LARP1B: variants seen among roughly 807,000 people sequenced by gnomAD.
LARP1B encodes La ribonucleoprotein 1B, also known as la-related protein 1B.
LARP1B carries 76 observed loss-of-function variants against 114.2 expected under a neutral mutation model. That is an observed-to-expected ratio of 0.67 (90% CI 0.55 to 0.81). The LOEUF is 0.81. Ranked by LOEUF, LARP1B falls within the 30% of genes least tolerant of loss-of-function variation. LARP1B has a pLI of 0.00. For synonymous variants in LARP1B, 345 were observed against 348.0 expected, an observed-to-expected ratio of 0.99 and a Z score of 0.10; for missense variants, 1,014 against 1,075.8, an observed-to-expected ratio of 0.94 and a Z score of 0.80.
chr4:128,174,438 A>G (rs1745070737), intron 12 of LARP1B, among the ~76,000 whole-genome samples: 1 of 152,046 alleles, frequency 6.6e-6, no homozygotes, highest in Non-Finnish European at 1.5e-5. Context: ...AAATTGGTAT[A>G]TGATAGTCTA....
At chr4:128,125,557 C>T (rs576449119) in intron 11 of LARP1B, among the ~76,000 whole-genome samples, 2 of 152,246 alleles carry the variant, frequency 1.3e-5, no homozygotes, top group South Asian at 2.1e-4. Context: ...ACCATCTGGC[C>T]AACATGATGA....
chr4:128,099,572 G>A (rs1487837963), intron 8 of LARP1B, among the ~76,000 whole-genome samples: 5 of 152,044 alleles, frequency 3.3e-5, no homozygotes, highest in Admixed American at 3.3e-4. Context: ...TGTAGCAGTA[G>A]TTTGTTCTTT....
chr4:128,061,843 G>A, intron 1 of LARP1B: 1 of 984,918 alleles, frequency 1.0e-6, no homozygotes, highest in Non-Finnish European at 1.2e-6. Flanking sequence ...CGGCGAGGGA[G>A]GAGAGGGCCG....
intron 8 of LARP1B, among the ~76,000 whole-genome samples, chr4:128,099,327 G>A (rs537311175): frequency 8.1e-6 from 1 of 123,632 alleles, no homozygotes; most frequent in Non-Finnish European, 1.6e-5. Flanking sequence ...TCATTCTGTT[G>A]CCCAGTATGG....
At chr4:128,203,670 G>A (rs924293135) in intron 17 of LARP1B, among the ~76,000 whole-genome samples, 3 of 152,040 alleles carry the variant, frequency 2.0e-5, no homozygotes, top group Non-Finnish European at 4.4e-5. Flanking sequence ...CACTGTGGCC[G>A]GCCAGATGAT....
intron 8 of LARP1B, 53 bp from the exon 9 acceptor site, chr4:128,107,086 A>C: frequency 1.4e-6 from 2 of 1,468,920 alleles, no homozygotes; most frequent in Non-Finnish European, 1.9e-6. Flanking sequence ...TTAGAAGTAT[A>C]GCACAGACAG....
At chr4:128,128,829 A>G (rs1361381271) in intron 11 of LARP1B, among the ~76,000 whole-genome samples, 5 of 152,144 alleles carry the variant, frequency 3.3e-5, no homozygotes, top group South Asian at 2.1e-4. Context: ...ATCTGACAAA[A>G]TATGTACAGG....
intron 10 of LARP1B, 32 bp downstream of exon 10, chr4:128,114,774 A>G (rs1304674699): frequency 1.9e-6 from 3 of 1,602,280 alleles, no homozygotes; most frequent in African/African-American, 1.3e-5. Flanking sequence ...GAAGTGTGAC[A>G]TACCCTGGGT....
At chr4:128,159,909 A>G (rs989786580) in intron 11 of LARP1B, among the ~76,000 whole-genome samples, 1 of 152,232 alleles carries the variant, frequency 6.6e-6, no homozygotes, top group African/African-American at 2.4e-5. Flanking sequence ...AGTTTTTGTA[A>G]AAACGTATTT....
chr4:128,188,550 G>A (rs1751130263), intron 15 of LARP1B, among the ~76,000 whole-genome samples: 1 of 151,916 alleles, frequency 6.6e-6, no homozygotes, highest in South Asian at 2.1e-4. Context: ...TACTAATTTT[G>A]GGTTTGATTT....
At chr4:128,174,723 C>T (rs767046458) in intron 12 of LARP1B, among the ~76,000 whole-genome samples, 4 of 151,960 alleles carry the variant, frequency 2.6e-5, no homozygotes, top group Admixed American at 6.6e-5. Flanking sequence ...CCTTGCCTCC[C>T]GATCTATTCC....
intron 1 of LARP1B, chr4:128,069,565 G>C (rs897062028): frequency 1.4e-6 from 1 of 737,906 alleles, no homozygotes; most frequent in African/African-American, 1.7e-5. Flanking sequence ...ACTCTCAGAA[G>C]AAAGTGCATT....
chr4:128,106,966 C>A (rs116722982), intron 8 of LARP1B, among the ~76,000 whole-genome samples, 173 bp from the exon 9 acceptor site: 4,050 of 152,224 alleles, frequency 0.027, 164 homozygotes, highest in African/African-American at 0.093. Context: ...TGTTACCTTA[C>A]AGGTGCAAAT....
chr4:128,158,036 C>T (rs762169767), intron 11 of LARP1B, among the ~76,000 whole-genome samples: 8 of 152,000 alleles, frequency 5.3e-5, no homozygotes, highest in Non-Finnish European at 8.8e-5. Context: ...CTCTATCAGG[C>T]AAAGTAGGTT....
intron 8 of LARP1B, among the ~76,000 whole-genome samples, chr4:128,098,769 T>TATATATATATATATA (rs1561201033): frequency 1.4e-4 from 2 of 14,432 alleles, no homozygotes; most frequent in African/African-American, 2.7e-4. Context: ...ATATATATAT[T>TATATATATATATATA]TTTTTTTTTT....
chr4:128,198,835 A>T (rs987409874), intron 15 of LARP1B, among the ~76,000 whole-genome samples: 3 of 152,234 alleles, frequency 2.0e-5, no homozygotes, highest in Non-Finnish European at 4.4e-5. Flanking sequence ...GGTTAATTCA[A>T]GTGAAAGAAG....
intron 11 of LARP1B, chr4:128,155,979 C>T: frequency 6.5e-7 from 1 of 1,542,556 alleles, no homozygotes; most frequent in Middle Eastern, 2.2e-4. Context: ...CCCCCTGCCG[C>T]CCTGTACCTT....
chr4:128,152,436 T>TC (rs1368057656), intron 11 of LARP1B, among the ~76,000 whole-genome samples: 8 of 151,996 alleles, frequency 5.3e-5, no homozygotes, highest in African/African-American at 1.9e-4. Flanking sequence ...ACTCCTGACC[T>TC]CGTGATCCAC....
At position 128,210,265 on chromosome 4, in the gene LARP1B, C is replaced by T. The variant is rs1758742171; in HGVS notation, c.*212C>T. The T allele has an allele frequency of 1.4e-6, 2 of 1,380,410 alleles. No individual in the cohort carries two copies. The highest frequency in any genetic ancestry group is 1.9e-6 in the Non-Finnish European group (2 of 1,069,682). 85.5% of individuals were successfully genotyped at this position (1,380,410 alleles called of 1,614,324 possible). ...AAGATAAATTCTAAAAATGTTTTCCCTGATTTCACAAACAAGGATAGTCTT... is the reference window on the plus strand; with the variant it reads ...AAGATAAATTCTAAAAATGTTTTCCTTGATTTCACAAACAAGGATAGTCTT... On this transcript the variant is annotated 3_prime_UTR_variant, in exon 20 of 20. Transcript: ENST00000326639.
Sources: gnomAD v4.1 joint callset for allele counts (sites outside exome capture counted in the v4.1 genomes callset) on GRCh38, gnomAD v4.1.1 for gene constraint, MANE v1.5 for transcripts, NCBI Gene and HGNC (gene_info 2026-07-23, HGNC 2026-07-21) for gene names.